The following SHISA9 variants were observed in gnomAD, a reference collection of about 807,000 sequenced individuals.
SHISA9 encodes shisa family member 9.
In SHISA9, 13 loss-of-function variants were observed where a neutral mutation model predicts 38.0. The observed-to-expected ratio is 0.34, with a 90% CI of 0.22 to 0.54. The LOEUF (loss-of-function observed/expected upper bound fraction) is 0.54. SHISA9 is among the 20% of genes least tolerant of loss of function. SHISA9 has a pLI of 0.91. For synonymous variants in SHISA9, 275 were observed against 242.0 expected (o/e 1.14, Z -1.27); for missense variants, 538 against 575.8 (o/e 0.93, Z 0.67).
chr16:13,178,915 C>G (rs1171328416), intron 2 of SHISA9, among the ~76,000 whole-genome samples: 1 of 152,004 alleles, frequency 6.6e-6, no homozygotes, highest in Non-Finnish European at 1.5e-5. Flanking sequence ...CTAGAAAAGC[C>G]TGATGTTAAA....
the SHISA9 span, among the ~76,000 whole-genome samples, chr16:13,523,410 T>C: frequency 6.6e-6 from 1 of 152,178 alleles, no homozygotes; most frequent in South Asian, 2.1e-4. Flanking sequence ...GTATTAATAG[T>C]GTCTTTGGCC....
At chr16:12,963,486 G>C (rs2903121) in intron 2 of SHISA9, among the ~76,000 whole-genome samples, 99,435 of 152,080 alleles carry the variant, frequency 0.65, 32,874 homozygotes, top group African/African-American at 0.73. Context: ...CTGGCAGGGA[G>C]TTGGAGAGAA....
At chr16:13,284,157 G>A in the SHISA9 span, among the ~76,000 whole-genome samples, 1 of 152,140 alleles carries the variant, frequency 6.6e-6, no homozygotes, top group Non-Finnish European at 1.5e-5. Flanking sequence ...GTGCTCTGTT[G>A]AGACTCCTGT....
chr16:12,985,261 A>G (rs1026527480), intron 2 of SHISA9, among the ~76,000 whole-genome samples: 8 of 151,964 alleles, frequency 5.3e-5, no homozygotes, highest in Admixed American at 2.0e-4. Flanking sequence ...AAATAAATAA[A>G]TAAATAAATA....
chr16:13,405,281 CT>C, the SHISA9 span, among the ~76,000 whole-genome samples: 9 of 152,142 alleles, frequency 5.9e-5, no homozygotes, highest in African/African-American at 2.2e-4. Flanking sequence ...AAGCAGACCC[CT>C]TCATGCCCTT....
the SHISA9 span, among the ~76,000 whole-genome samples, chr16:13,299,237 G>T: frequency 6.6e-6 from 1 of 152,148 alleles, no homozygotes; most frequent in African/African-American, 2.4e-5. Context: ...ACTCATTAGC[G>T]CTTCCCTTGT....
chr16:12,913,277 A>G (rs1356240190), intron 1 of SHISA9, among the ~76,000 whole-genome samples: 5 of 152,130 alleles, frequency 3.3e-5, no homozygotes, highest in South Asian at 2.1e-4. Context: ...GCTCACTGCA[A>G]TCTCCACCTC....
intron 2 of SHISA9, among the ~76,000 whole-genome samples, chr16:13,015,691 C>G (rs1596585893): frequency 6.6e-6 from 1 of 152,060 alleles, no homozygotes. Flanking sequence ...GACTGTTACC[C>G]TATGCGTAGA....
At chr16:13,011,004 G>T (rs2072665676) in intron 2 of SHISA9, among the ~76,000 whole-genome samples, 1 of 152,068 alleles carries the variant, frequency 6.6e-6, no homozygotes, top group Non-Finnish European at 1.5e-5. Context: ...TTCTGAATGG[G>T]ATCCTTCCTC....
the SHISA9 span, among the ~76,000 whole-genome samples, chr16:13,504,830 C>G: frequency 6.6e-6 from 1 of 152,182 alleles, no homozygotes; most frequent in Admixed American, 6.6e-5. Context: ...ATTCAAGAAA[C>G]TGAGTCACAG....
At chr16:13,028,350 A>G (rs1271653053) in intron 2 of SHISA9, among the ~76,000 whole-genome samples, 1 of 152,182 alleles carries the variant, frequency 6.6e-6, no homozygotes, top group Admixed American at 6.5e-5. Flanking sequence ...CATGCTGCTG[A>G]TAAAGACATA....
chr16:13,137,967 A>G (rs1370372880), intron 2 of SHISA9, among the ~76,000 whole-genome samples: 1 of 152,166 alleles, frequency 6.6e-6, no homozygotes, highest in Non-Finnish European at 1.5e-5. Flanking sequence ...GCTGCATCTC[A>G]GATGTTACAT....
At chr16:13,212,739 G>T (rs1484595147) in intron 3 of SHISA9, among the ~76,000 whole-genome samples, 1 of 152,180 alleles carries the variant, frequency 6.6e-6, no homozygotes, top group Non-Finnish European at 1.5e-5. Flanking sequence ...ACCCCATGGG[G>T]CCTGTCACCC....
At chr16:13,100,135 T>C (rs996893628) in intron 2 of SHISA9, among the ~76,000 whole-genome samples, 1 of 152,196 alleles carries the variant, frequency 6.6e-6, no homozygotes, top group Non-Finnish European at 1.5e-5. Flanking sequence ...AGCTGATTCC[T>C]CAAGAGAACT....
At chr16:13,484,021 G>A in the SHISA9 span, among the ~76,000 whole-genome samples, 1 of 152,204 alleles carries the variant, frequency 6.6e-6, no homozygotes, top group African/African-American at 2.4e-5. Flanking sequence ...CTGGGCTCAC[G>A]ACTGGTGTCT....
At chr16:12,914,670 C>A (rs748153314) in intron 1 of SHISA9, among the ~76,000 whole-genome samples, 1 of 152,146 alleles carries the variant, frequency 6.6e-6, no homozygotes, top group South Asian at 2.1e-4. Context: ...GTCTCACAGC[C>A]GAGATGTCTC....
chr16:13,380,470 G>A, the SHISA9 span, among the ~76,000 whole-genome samples: 13 of 152,294 alleles, frequency 8.5e-5, no homozygotes, highest in African/African-American at 2.6e-4. Context: ...CACTATAACA[G>A]TGAGTTAAAA....
intron 3 of SHISA9, among the ~76,000 whole-genome samples, chr16:13,209,036 G>T (rs2051093988): frequency 6.6e-6 from 1 of 152,184 alleles, no homozygotes; most frequent in South Asian, 2.1e-4. Context: ...CAAGTAATTG[G>T]AGAAATTATT....
intron 4 of SHISA9, among the ~76,000 whole-genome samples, chr16:13,213,961 A>C (rs535488598): frequency 1.1e-4 from 17 of 152,184 alleles, no homozygotes; most frequent in African/African-American, 1.9e-4. Flanking sequence ...CTGCATTTAG[A>C]AATGAGGACA....
Sources: gnomAD v4.1 joint callset for allele counts (sites outside exome capture counted in the v4.1 genomes callset) on GRCh38, gnomAD v4.1.1 for gene constraint, MANE v1.5 for transcripts, NCBI Gene and HGNC (gene_info 2026-07-23, HGNC 2026-07-21) for gene names.